Variants in FSTL4 observed in about 807,000 individuals in gnomAD.
The protein encoded by FSTL4 is follistatin like 4.
Under a neutral mutation model 78.2 loss-of-function variants are expected in FSTL4, and 28 were observed. That is an observed-to-expected ratio of 0.36 (90% CI 0.27 to 0.49). FSTL4 has a LOEUF of 0.49. FSTL4 is among the 20% of genes least tolerant of loss of function. The pLI is 0.98. For missense variants in FSTL4, 922 were observed against 1,084.9 expected, an observed-to-expected ratio of 0.85 and a Z score of 2.11; for synonymous variants, 422 against 440.5, an observed-to-expected ratio of 0.96 and a Z score of 0.53.
intron 3 of FSTL4, among the ~76,000 whole-genome samples, chr5:133,474,573 G>A (rs149122539): frequency 4.6e-5 from 7 of 152,288 alleles, no homozygotes; most frequent in East Asian, 1.9e-4. Context: ...CATGGCTTTC[G>A]TGACTTACAG....
chr5:133,219,215 C>T (rs1024600676), intron 12 of FSTL4, among the ~76,000 whole-genome samples: 3 of 152,154 alleles, frequency 2.0e-5, no homozygotes, highest in African/African-American at 7.2e-5. Context: ...TAATGGCACC[C>T]AGATCTGTCT....
chr5:133,455,064 G>A (rs1183942690), intron 3 of FSTL4, among the ~76,000 whole-genome samples: 13 of 152,248 alleles, frequency 8.5e-5, no homozygotes, highest in South Asian at 2.1e-4. Flanking sequence ...GAAGGCATGA[G>A]TGTCAGGCTC....
At chr5:133,419,074 G>T (rs1250060766) in intron 3 of FSTL4, among the ~76,000 whole-genome samples, 3 of 152,142 alleles carry the variant, frequency 2.0e-5, no homozygotes, top group African/African-American at 7.2e-5. Context: ...TACATCGATA[G>T]GTTTTAGCTT....
Position 133,225,274 on chromosome 5 carries a change from G to C in FSTL4, c.1188C>G (p.Ser396Arg). ...ACCGAACACTGCTGATGTGGAGTTC[G>C]CTCCCATTGGCTGCAGACAGGACAG... ...SKQLSLLANG[S>R]ELHISSVRYE... Residue 396 changes from serine to arginine, a missense_variant, in exon 10 of 16, where the codon AGC (serine) becomes AGG (arginine). Transcript: ENST00000265342. This position sits in a 1 kb window ranked among gnomAD's most constrained non-coding sequence, Gnocchi z 4.6. 1 of 1,614,122 alleles carries C rather than the reference G, an allele frequency of 6.2e-7. No homozygotes were observed. The highest frequency in any genetic ancestry group is 8.5e-7 in the Non-Finnish European group (1 of 1,180,020).
the FSTL4 span, among the ~76,000 whole-genome samples, chr5:133,639,429 A>G: frequency 0.28 from 42,503 of 152,078 alleles, 6,289 homozygotes; most frequent in Non-Finnish European, 0.31. Context: ...GTGAACAAAG[A>G]AACTGTGTGA....
chr5:133,658,925 A>G, the FSTL4 span, among the ~76,000 whole-genome samples: 1 of 152,120 alleles, frequency 6.6e-6, no homozygotes, highest in African/African-American at 2.4e-5. Context: ...ATTTCCAGAC[A>G]TATAGGGTTT....
intron 3 of FSTL4, among the ~76,000 whole-genome samples, chr5:133,445,667 G>A (rs915478168): frequency 3.9e-5 from 6 of 152,218 alleles, no homozygotes; most frequent in Non-Finnish European, 5.9e-5. Context: ...GTAGCTGGGA[G>A]TATGCCAGGA....
chr5:133,768,883 A>T, the FSTL4 span, among the ~76,000 whole-genome samples: 1 of 152,240 alleles, frequency 6.6e-6, no homozygotes, highest in African/African-American at 2.4e-5. Flanking sequence ...GATGCTCAAG[A>T]AAGACAACTA....
chr5:133,628,361 C>CTT, the FSTL4 span, among the ~76,000 whole-genome samples: 198 of 137,796 alleles, frequency 1.4e-3, 1 homozygote, highest in African/African-American at 5.1e-3. Flanking sequence ...CTTTTCTTTT[C>CTT]TTTTCTTTTT....
At chr5:133,674,509 T>G in the FSTL4 span, among the ~76,000 whole-genome samples, 1 of 152,200 alleles carries the variant, frequency 6.6e-6, no homozygotes, top group Non-Finnish European at 1.5e-5. Flanking sequence ...TTTATTAATT[T>G]AGATCCCATT....
the FSTL4 span, among the ~76,000 whole-genome samples, chr5:133,725,882 G>A: frequency 6.6e-6 from 1 of 152,058 alleles, no homozygotes; most frequent in Non-Finnish European, 1.5e-5. Flanking sequence ...AAAACAAGAG[G>A]GCAGGGTCTG....
intron 6 of FSTL4, among the ~76,000 whole-genome samples, chr5:133,265,821 G>A (rs906357029): frequency 1.6e-4 from 24 of 152,310 alleles, no homozygotes; most frequent in African/African-American, 5.1e-4. Flanking sequence ...ATGTGAAAGC[G>A]GAGACCCAGA....
At chr5:133,805,682 A>T in the FSTL4 span, among the ~76,000 whole-genome samples, 2 of 152,226 alleles carry the variant, frequency 1.3e-5, no homozygotes, top group East Asian at 1.9e-4. Flanking sequence ...CCTCTCCCAG[A>T]TAGCTGTTCC....
chr5:133,733,993 G>A, the FSTL4 span, among the ~76,000 whole-genome samples: 1 of 152,202 alleles, frequency 6.6e-6, no homozygotes, highest in Non-Finnish European at 1.5e-5. Context: ...ATGGCAACTG[G>A]GTTCCTCAAC....
upstream of FSTL4, among the ~76,000 whole-genome samples, chr5:133,615,332 T>C (rs1469364062): frequency 6.6e-6 from 1 of 152,246 alleles, no homozygotes; most frequent in Non-Finnish European, 1.5e-5. Context: ...TTTGTAAATC[T>C]TCAAACCAAA....
the FSTL4 span, among the ~76,000 whole-genome samples, chr5:133,766,539 T>C: frequency 6.6e-6 from 1 of 152,232 alleles, no homozygotes. Context: ...TTTCTTGGCC[T>C]CTAGCTTGGA....
intron 4 of FSTL4, among the ~76,000 whole-genome samples, chr5:133,395,087 C>T (rs1446299721): frequency 6.6e-6 from 1 of 152,080 alleles, no homozygotes; most frequent in Non-Finnish European, 1.5e-5. Context: ...GACCAATCAG[C>T]TCTCTGTAAA....
intron 3 of FSTL4, among the ~76,000 whole-genome samples, chr5:133,523,100 C>T (rs1759017375): frequency 6.6e-6 from 1 of 151,542 alleles, no homozygotes; most frequent in Non-Finnish European, 1.5e-5. Flanking sequence ...GAGGGCAGGG[C>T]TCAAATCTGA....
intron 6 of FSTL4, among the ~76,000 whole-genome samples, chr5:133,297,129 TC>T: frequency 6.6e-6 from 1 of 152,340 alleles, no homozygotes; most frequent in South Asian, 2.1e-4. Context: ...ATTTTTCATG[TC>T]AAATAGTGTT....
Sources: allele counts gnomAD v4.1 joint callset (sites outside exome capture counted in the v4.1 genomes callset), GRCh38; gene constraint gnomAD v4.1.1; non-coding constraint Gnocchi (gnomAD v3.1); transcripts MANE v1.5; gene names NCBI Gene and HGNC (gene_info 2026-07-23, HGNC 2026-07-21).